The following RNF182 variants were observed in gnomAD, a reference collection of about 807,000 sequenced individuals.
RNF182 encodes the protein ring finger protein 182.
Under a neutral mutation model 14.4 loss-of-function variants are expected in RNF182, and 15 were observed. That is an observed-to-expected ratio of 1.04 (90% CI 0.70 to 1.60). The LOEUF is 1.60. RNF182 is among the 40% of genes most tolerant of loss of function. The probability of loss-of-function intolerance (pLI) is 0.00; values close to 1 mark genes in which losing one functional copy is unlikely to be tolerated. For synonymous variants in RNF182, 128 were observed against 122.9 expected (o/e 1.04, Z -0.27); for missense variants, 268 against 294.8 (o/e 0.91, Z 0.67).
chr6:13,947,655 C>T (rs1305025977), intron 1 of RNF182, among the ~76,000 whole-genome samples: 3 of 152,148 alleles, frequency 2.0e-5, no homozygotes, highest in Non-Finnish European at 4.4e-5. Flanking sequence ...ATTTGGGGCT[C>T]CTGGGCCTGT....
intron 1 of RNF182, among the ~76,000 whole-genome samples, chr6:13,972,898 G>A (rs1344433840): frequency 6.6e-6 from 1 of 152,228 alleles, no homozygotes; most frequent in African/African-American, 2.4e-5. Context: ...CTGCCTAGTG[G>A]AGCTGTGAGA....
Position 13,978,068 on chromosome 6 carries a change from A to AC in RNF182, c.*205_*206insC. 1.8e-6 allele frequency: 1 copy of AC among 551,592 alleles called. No homozygotes were observed. 34.2% of individuals were successfully genotyped at this position (551,592 alleles called of 1,614,324 possible). A position where few individuals can be genotyped will look rare whatever the true frequency, so the allele number is the denominator to read the frequency against. ...TACTTAGGGGTTAGCAAAATTGTATAAGCTCACACTTCATGGAGCACTGAC... is the reference window on the plus strand; with the variant it reads ...TACTTAGGGGTTAGCAAAATTGTATACAGCTCACACTTCATGGAGCACTGAC... On this transcript the variant is annotated 3_prime_UTR_variant, in exon 3 of 3. Transcript: ENST00000488300.
intron 1 of RNF182, among the ~76,000 whole-genome samples, chr6:13,967,270 A>C (rs1412037515): frequency 6.6e-6 from 1 of 152,246 alleles, no homozygotes; most frequent in Non-Finnish European, 1.5e-5. Context: ...GTTGATATTT[A>C]AGTTAAAGGC....
At position 13,977,760 on chromosome 6, in the gene RNF182, T is replaced by G; in HGVS notation, c.641T>G (p.Val214Gly). ...TCTAAGAAAGTCACCCTTGGGGTCG[T>G]CTTTGTCAGCCTGGTCCCTTCGAGC... ...LVSKKVTLGV[V>G]FVSLVPSSLV... The change falls in exon 3 of 3, where the codon GTC (valine) becomes GGC (glycine). Residue 214 changes from valine to glycine, a missense_variant. Physicochemically the swap from Val to Gly is moderately radical, Grantham distance 109 (BLOSUM62 -3). Transcript: ENST00000488300. 4 of 1,614,156 alleles carry G rather than the reference T, an allele frequency of 2.5e-6. No individual in the cohort carries two copies. Among genetic ancestry groups the G allele is most frequent in the Non-Finnish European group, 3.4e-6 (4 of 1,180,016 alleles).
intron 1 of RNF182, among the ~76,000 whole-genome samples, chr6:13,960,695 G>GCT (rs1759855971): frequency 7.4e-6 from 1 of 135,540 alleles, no homozygotes; most frequent in African/African-American, 2.6e-5. Context: ...GTGTGTGTGC[G>GCT]CGCGTGCACA....
intron 1 of RNF182, among the ~76,000 whole-genome samples, chr6:13,936,858 C>T (rs1432238593): frequency 6.6e-6 from 1 of 151,916 alleles, no homozygotes; most frequent in Non-Finnish European, 1.5e-5. Flanking sequence ...AAAGAGGGAA[C>T]AGGGCATCAT....
At chr6:13,960,686 T>TGTGC (rs1759851877) in intron 1 of RNF182, among the ~76,000 whole-genome samples, 1 of 104,904 alleles carries the variant, frequency 9.5e-6, no homozygotes, top group South Asian at 3.3e-4. Context: ...TGTGTGTGTG[T>TGTGC]GTGTGTGCGC....
intron 1 of RNF182, among the ~76,000 whole-genome samples, chr6:13,972,837 T>C (rs112374935): frequency 3.3e-5 from 5 of 152,140 alleles, no homozygotes; most frequent in African/African-American, 1.2e-4. Context: ...TAGGGCAGTG[T>C]GGAAGGGAAA....
intron 1 of RNF182, among the ~76,000 whole-genome samples, chr6:13,942,932 C>T (rs575406171): frequency 1.3e-5 from 2 of 152,192 alleles, no homozygotes; most frequent in Admixed American, 6.5e-5. Flanking sequence ...CCATAAAATT[C>T]ACCCATTGTA....
rs755473224 is a variant in RNF182 at position 13,977,100 on chromosome 6, G to A, written c.-20G>A. 8 of 1,600,650 alleles carry A rather than the reference G, an allele frequency of 5.0e-6. No individual in the cohort carries two copies. In the East Asian group the frequency reaches 1.8e-4, roughly 36 times the overall value. On this transcript the variant is annotated 5_prime_UTR_variant, in exon 3 of 3. Transcript: ENST00000488300. ...CTTCAACAAGACCCACCTGGCATAAGATTGCACACATAATTCAAGATGGCC... is the reference window on the plus strand; with the variant it reads ...CTTCAACAAGACCCACCTGGCATAAAATTGCACACATAATTCAAGATGGCC...
chr6:13,967,652 A>T (rs1760068313), intron 1 of RNF182, among the ~76,000 whole-genome samples: 2 of 152,230 alleles, frequency 1.3e-5, no homozygotes, highest in Non-Finnish European at 2.9e-5. Context: ...ATAATCCCGT[A>T]CTATTAGAAA....
chr6:13,966,412 A>G (rs1760029094), intron 1 of RNF182, among the ~76,000 whole-genome samples: 1 of 152,214 alleles, frequency 6.6e-6, no homozygotes, highest in African/African-American at 2.4e-5. Flanking sequence ...TGGAAAATTC[A>G]CAAATTTTTA....
At chr6:13,926,656 G>A (rs191025804) in intron 1 of RNF182, among the ~76,000 whole-genome samples, 3 of 152,276 alleles carry the variant, frequency 2.0e-5, no homozygotes, top group Middle Eastern at 3.4e-3. Flanking sequence ...ATAAACGGGA[G>A]AGAAAAGTAT....
chr6:13,946,356 G>A (rs1426947811), intron 1 of RNF182, among the ~76,000 whole-genome samples: 4 of 151,842 alleles, frequency 2.6e-5, no homozygotes, highest in African/African-American at 7.3e-5. Flanking sequence ...GTAGAAATGG[G>A]GTTTTACCAT....
At chr6:13,939,200 G>A (rs1029328099) in intron 1 of RNF182, among the ~76,000 whole-genome samples, 5 of 152,220 alleles carry the variant, frequency 3.3e-5, no homozygotes, top group South Asian at 2.1e-4. Flanking sequence ...AGTGTTTGGC[G>A]TTTACATACA....
chr6:13,961,574 C>G (rs1226250779), intron 1 of RNF182: 1 of 152,132 alleles, frequency 6.6e-6, no homozygotes, highest in African/African-American at 2.4e-5. Context: ...TGCGGAGTAC[C>G]TGGTTTTTTT....
chr6:13,928,860 G>T (rs1209633568), intron 1 of RNF182, among the ~76,000 whole-genome samples: 2 of 152,124 alleles, frequency 1.3e-5, no homozygotes, highest in Non-Finnish European at 2.9e-5. Flanking sequence ...GTGCAGGGGT[G>T]GGGGTGCGGT....
At chr6:13,942,509 T>A (rs1363476954) in intron 1 of RNF182, among the ~76,000 whole-genome samples, 1 of 152,004 alleles carries the variant, frequency 6.6e-6, no homozygotes, top group Non-Finnish European at 1.5e-5. Flanking sequence ...ACCTGGCTAA[T>A]TTTTGTGTTT....
chr6:13,948,541 G>C (rs559511816), intron 1 of RNF182, among the ~76,000 whole-genome samples: 9 of 152,222 alleles, frequency 5.9e-5, no homozygotes, highest in African/African-American at 1.7e-4. Context: ...AGTACTTCCT[G>C]TATGATTTTA....
Sources: gnomAD v4.1 joint callset for allele counts (sites outside exome capture counted in the v4.1 genomes callset) on GRCh38, gnomAD v4.1.1 for gene constraint, MANE v1.5 for transcripts, NCBI Gene and HGNC (gene_info 2026-07-23, HGNC 2026-07-21) for gene names.